The following ATP10A variants were observed in gnomAD, a reference collection of about 807,000 sequenced individuals.
The protein encoded by ATP10A is ATPase phospholipid transporting 10A (putative).
In ATP10A, 111 loss-of-function variants were observed where a neutral mutation model predicts 147.8. The ratio of observed to expected loss-of-function variants is 0.75; its 90% CI spans 0.64 to 0.88. The LOEUF is 0.88. Ranked by LOEUF, ATP10A falls within the 40% of genes least tolerant of loss-of-function variation. The probability of loss-of-function intolerance (pLI) is 0.00; values close to 1 mark genes in which losing one functional copy is unlikely to be tolerated. For missense variants in ATP10A, 1,927 were observed against 1,959.0 expected, an observed-to-expected ratio of 0.98 and a Z score of 0.31; for synonymous variants, 875 against 841.6, an observed-to-expected ratio of 1.04 and a Z score of -0.69.
At chr15:25,744,511 C>A (rs1380244946) in intron 2 of ATP10A, among the ~76,000 whole-genome samples, 3 of 152,118 alleles carry the variant, frequency 2.0e-5, no homozygotes, top group Non-Finnish European at 4.4e-5. Context: ...ACCAACAAAA[C>A]AAGAATAGGA....
chr15:25,810,875 G>C (rs891697445), intron 1 of ATP10A, among the ~76,000 whole-genome samples: 2 of 152,142 alleles, frequency 1.3e-5, no homozygotes, highest in Non-Finnish European at 2.9e-5. Context: ...CAGCTAAGAG[G>C]AGGGCAGCCG....
chr15:25,820,085 TAA>T (rs1891816848), intron 1 of ATP10A, among the ~76,000 whole-genome samples: 1 of 151,974 alleles, frequency 6.6e-6, no homozygotes, highest in South Asian at 2.1e-4. Flanking sequence ...AAAACAGCAC[TAA>T]AGGAAGGAAT....
chr15:25,718,339 C>G lies in ATP10A; in HGVS notation c.1424G>C (p.Gly475Ala). 2 of 1,610,532 alleles carry G rather than the reference C, an allele frequency of 1.2e-6. No homozygotes were observed. Among genetic ancestry groups the G allele is most frequent in the Admixed American group, 3.3e-5 (2 of 59,842 alleles). Residue 475 changes from glycine to alanine, a missense_variant, in exon 8 of 21, where the codon GGG becomes GCG. Physicochemically the swap from Gly to Ala is moderately conservative, Grantham distance 60. Transcript: ENST00000555815. Reference protein sequence around the residue: ...DSEEEEVVPRGGSVSQRGSIG... With the variant: ...DSEEEEVVPRAGSVSQRGSIG... ...GCTGCCGCGCTGGGACACCGAGCCC[C>G]CTCTGGGCACCACCTCCTCCTCCTC...
intron 1 of ATP10A, among the ~76,000 whole-genome samples, chr15:25,798,505 T>C (rs1890788857): frequency 6.6e-6 from 1 of 152,202 alleles, no homozygotes; most frequent in African/African-American, 2.4e-5. Context: ...CAGATTCATC[T>C]GGGTGACAGA....
intron 1 of ATP10A, among the ~76,000 whole-genome samples, chr15:25,843,412 T>C (rs1400402878): frequency 1.3e-5 from 2 of 151,936 alleles, no homozygotes; most frequent in Non-Finnish European, 2.9e-5. Context: ...GTGGGGAGCA[T>C]CATAAATTCA....
downstream of ATP10A, among the ~76,000 whole-genome samples, chr15:25,675,708 C>T (rs1004296846): frequency 2.6e-5 from 4 of 152,154 alleles, no homozygotes; most frequent in Non-Finnish European, 4.4e-5. Flanking sequence ...CACTTTGGGA[C>T]GCTAAGGCAG....
intron 3 of ATP10A, among the ~76,000 whole-genome samples, chr15:25,734,345 A>G (rs1887139305): frequency 6.6e-6 from 1 of 152,130 alleles, no homozygotes; most frequent in South Asian, 2.1e-4. Context: ...TCGGCCCCTT[A>G]TTTATTTATG....
intron 2 of ATP10A, among the ~76,000 whole-genome samples, chr15:25,780,371 G>A (rs909319630): frequency 2.0e-5 from 3 of 152,250 alleles, no homozygotes; most frequent in African/African-American, 7.2e-5. Context: ...GGGTCTTCCT[G>A]ATCTCTGAGG....
At chr15:25,722,474 C>A (rs978280574) in intron 6 of ATP10A, among the ~76,000 whole-genome samples, 1 of 152,086 alleles carries the variant, frequency 6.6e-6, no homozygotes, top group Non-Finnish European at 1.5e-5. Context: ...TTCAGTGATG[C>A]CTCCATAATT....
chr15:25,713,627 G>C, intron 10 of ATP10A, 47 bp downstream of exon 10: 2 of 1,563,706 alleles, frequency 1.3e-6, no homozygotes, highest in Non-Finnish European at 8.7e-7. Flanking sequence ...TATTTCTCAG[G>C]ACCTCCTCCC....
intron 1 of ATP10A, among the ~76,000 whole-genome samples, chr15:25,832,236 G>A (rs139076871): frequency 6.6e-6 from 1 of 152,298 alleles, no homozygotes; most frequent in Non-Finnish European, 1.5e-5. Flanking sequence ...CCCACACGCT[G>A]GTCTCAGCCT....
intron 7 of ATP10A, among the ~76,000 whole-genome samples, chr15:25,719,917 T>C (rs1360682729): frequency 6.6e-6 from 1 of 152,200 alleles, no homozygotes; most frequent in African/African-American, 2.4e-5. Flanking sequence ...GGTCAGATCA[T>C]AAGATAACTG....
rs1487971660 is a variant in ATP10A, at chr15:25,858,212, G to A, written c.449+4436C>T. 2.6e-5 allele frequency among the ~76,000 whole-genome samples: 4 copies of A among 152,298 alleles called. No individual in the cohort carries two copies. In the South Asian group the frequency reaches 8.3e-4, roughly 32 times the overall value. ...TGTCAACCCTGCTTAAGAAGAACTG[G>A]CGTGGTCCCTGCGCATTCTTAACTC... is the stretch of plus-strand genomic sequence containing the variant. On this transcript the variant is annotated intron_variant, in intron 1 of 20. Transcript: ENST00000555815.
chr15:25,747,287 C>CAAAAAAAAAAAAAAAAAAAAAAAAAAAA (rs34660034), intron 2 of ATP10A, among the ~76,000 whole-genome samples: 1 of 113,250 alleles, frequency 8.8e-6, no homozygotes, highest in Non-Finnish European at 1.9e-5. Flanking sequence ...AACTCCATCT[C>CAAAAAAAAAAAAAAAAAAAAAAAAAAAA]AAAAAAAAAA....
intron 1 of ATP10A, among the ~76,000 whole-genome samples, chr15:25,802,278 C>T (rs963684454): frequency 6.6e-6 from 1 of 152,232 alleles, no homozygotes; most frequent in Non-Finnish European, 1.5e-5. Context: ...GGCTGTGGCA[C>T]CCAGCTTCAG....
intron 12 of ATP10A, among the ~76,000 whole-genome samples, chr15:25,706,756 G>A (rs996792250): frequency 6.6e-6 from 1 of 152,212 alleles, no homozygotes; most frequent in Non-Finnish European, 1.5e-5. Flanking sequence ...CATTTGAGAA[G>A]TTAGTGCTGT....
intron 2 of ATP10A, among the ~76,000 whole-genome samples, chr15:25,765,275 T>C (rs1006812694): frequency 6.6e-6 from 1 of 152,142 alleles, no homozygotes; most frequent in African/African-American, 2.4e-5. Context: ...CACTCCTCTA[T>C]AGAATACCTG....
intron 1 of ATP10A, among the ~76,000 whole-genome samples, chr15:25,856,846 A>G (rs1376839051): frequency 6.6e-6 from 1 of 152,162 alleles, no homozygotes; most frequent in Non-Finnish European, 1.5e-5. Context: ...ACCAATCCAC[A>G]GGAATTACAA....
chr15:25,847,227 G>A lies in ATP10A; in HGVS notation c.449+15421C>T, dbSNP rs569808619. 2.8e-3 allele frequency among the ~76,000 whole-genome samples: 432 copies of A among 152,118 alleles called. 3 individuals carry two copies. Among genetic ancestry groups the A allele is most frequent in the African/African-American group, 0.01 (420 of 41,526 alleles). On this transcript the variant is annotated intron_variant, in intron 1 of 20. Coordinates refer to ENST00000555815, the MANE Select transcript of ATP10A (RefSeq NM_024490.4). ...AGGAGGCTCTGACTGAGCAGCACGC[G>A]CAGGCACTCAGCCAGTGGCCCTGAG...
Sources: allele counts gnomAD v4.1 joint callset (sites outside exome capture counted in the v4.1 genomes callset), GRCh38; gene constraint gnomAD v4.1.1; transcripts MANE v1.5; gene names NCBI Gene and HGNC (gene_info 2026-07-23, HGNC 2026-07-21).